Variants in MMP16 observed in about 807,000 individuals in gnomAD.
MMP16 encodes the protein matrix metalloproteinase-16.
Under a neutral mutation model 67.8 loss-of-function variants are expected in MMP16, and 12 were observed. That is an observed-to-expected ratio of 0.18 (90% confidence interval 0.11 to 0.29). The LOEUF (loss-of-function observed/expected upper bound fraction) is 0.29. Ranked by LOEUF, MMP16 falls within the 10% of genes least tolerant of loss-of-function variation. The pLI is 1.00. For missense variants in MMP16, 475 were observed against 765.7 expected, an observed-to-expected ratio of 0.62 and a Z score of 4.48; for synonymous variants, 249 against 255.9, an observed-to-expected ratio of 0.97 and a Z score of 0.26.
intron 8 of MMP16, among the ~76,000 whole-genome samples, chr8:88,052,253 A>G (rs151128553): frequency 6.4e-4 from 97 of 152,110 alleles, no homozygotes; most frequent in Admixed American, 3.6e-3. Flanking sequence ...CCTTCCCCCA[A>G]TATTCCTTTC....
intron 1 of MMP16, among the ~76,000 whole-genome samples, chr8:88,292,191 T>C (rs1394568286): frequency 6.6e-6 from 1 of 152,234 alleles, no homozygotes; most frequent in Non-Finnish European, 1.5e-5. Flanking sequence ...AATACAAAAT[T>C]ATATTTTAAA....
chr8:88,187,853 T>C (rs1809098968), intron 2 of MMP16, among the ~76,000 whole-genome samples: 1 of 152,222 alleles, frequency 6.6e-6, no homozygotes, highest in African/African-American at 2.4e-5. Flanking sequence ...AATTCCATCC[T>C]AGTTTAAATG....
chr8:88,270,990 A>ATTTGTGCCTGGC (rs2129971960), intron 1 of MMP16, among the ~76,000 whole-genome samples: 1 of 152,334 alleles, frequency 6.6e-6, no homozygotes, highest in Non-Finnish European at 1.5e-5. Flanking sequence ...CAGACCTGGC[A>ATTTGTGCCTGGC]TAGTGCCTGG....
At chr8:88,220,973 G>T (rs377064934) in intron 1 of MMP16, among the ~76,000 whole-genome samples, 29 of 152,160 alleles carry the variant, frequency 1.9e-4, no homozygotes, top group Admixed American at 1.6e-3. Flanking sequence ...AGTTAAATTC[G>T]CAAGAATGCA....
chr8:88,255,300 T>G lies in MMP16; in HGVS notation c.133-57994A>C, dbSNP rs186923154. ...ACCATGTAATACACCAGATCCCCCT[T>G]CACCTTTCGCCATGATTGTAAGCTT... is the stretch of plus-strand genomic sequence containing the variant. On this transcript the variant is annotated intron_variant, in intron 1 of 9. Coordinates refer to ENST00000286614, the MANE Select transcript of MMP16 (RefSeq NM_005941.5). Among the ~76,000 whole-genome samples, 13 of 152,230 alleles carry G rather than the reference T, an allele frequency of 8.5e-5. 2 individuals are homozygous for G. Among genetic ancestry groups the G allele is most frequent in the African/African-American group, 3.1e-4 (13 of 41,550 alleles).
intron 1 of MMP16, among the ~76,000 whole-genome samples, chr8:88,247,919 T>G (rs1810145484): frequency 6.6e-6 from 1 of 152,018 alleles, no homozygotes; most frequent in Non-Finnish European, 1.5e-5. Flanking sequence ...CAAACGTTGT[T>G]GCACATTGAC....
chr8:88,259,004 G>C (rs373102960), intron 1 of MMP16, among the ~76,000 whole-genome samples: 18 of 152,284 alleles, frequency 1.2e-4, no homozygotes, highest in African/African-American at 4.3e-4. Flanking sequence ...AAGGAAGCAT[G>C]CCTCCTGCCT....
chr8:88,064,468 TA>T (rs1808438848), intron 7 of MMP16, among the ~76,000 whole-genome samples: 1 of 152,086 alleles, frequency 6.6e-6, no homozygotes, highest in Non-Finnish European at 1.5e-5. Context: ...GCTCTACCAA[TA>T]ACCAGCTGTA....
chr8:88,133,669 CA>C (rs959175022), intron 4 of MMP16, among the ~76,000 whole-genome samples: 158 of 150,834 alleles, frequency 1.0e-3, no homozygotes, highest in African/African-American at 3.3e-3. Flanking sequence ...CATTTTTTGA[CA>C]AAAAAAATTA....
intron 1 of MMP16, among the ~76,000 whole-genome samples, chr8:88,260,350 T>C (rs554733376): frequency 6.6e-6 from 1 of 152,200 alleles, no homozygotes; most frequent in South Asian, 2.1e-4. Context: ...AATTAAAACA[T>C]AAGGCAAAAA....
Position 88,107,589 on chromosome 8 carries a change from G to A in MMP16, c.1083+8918C>T, listed in dbSNP as rs571006317. On this transcript the variant is annotated intron_variant, in intron 6 of 9. Transcript: ENST00000286614. ...ACAAAGAGTCAAAATTTTTATTAGAGTGAATCTTTTAATCAAGAATAGGAT... is the reference window on the plus strand; with the variant it reads ...ACAAAGAGTCAAAATTTTTATTAGAATGAATCTTTTAATCAAGAATAGGAT... Among the ~76,000 whole-genome samples the A allele has an allele frequency of 9.1e-4, 138 of 151,170 alleles. 1 individual carries two copies. Among genetic ancestry groups the A allele is most frequent in the African/African-American group, 3.3e-3 (137 of 41,438 alleles).
chr8:88,104,419 T>G (rs1414990389), intron 6 of MMP16, among the ~76,000 whole-genome samples: 1 of 151,636 alleles, frequency 6.6e-6, no homozygotes, highest in Non-Finnish European at 1.5e-5. Context: ...CTTCAGTTAA[T>G]GATGTACCAC....
intron 1 of MMP16, among the ~76,000 whole-genome samples, chr8:88,272,879 T>C (rs1585992060): frequency 6.6e-6 from 1 of 152,130 alleles, no homozygotes; most frequent in East Asian, 1.9e-4. Context: ...GACCTCAACA[T>C]TTCTTCCCCA....
intron 1 of MMP16, among the ~76,000 whole-genome samples, chr8:88,248,396 G>A (rs751687388): frequency 6.6e-6 from 1 of 152,054 alleles, no homozygotes; most frequent in Non-Finnish European, 1.5e-5. Context: ...GTGAATTTGT[G>A]AGCCAACAAT....
chr8:88,129,480 A>G (rs1178830936), intron 4 of MMP16, among the ~76,000 whole-genome samples: 1 of 151,668 alleles, frequency 6.6e-6, no homozygotes, highest in East Asian at 1.9e-4. Flanking sequence ...TATAGTAAAG[A>G]AGTGTGATAA....
intron 1 of MMP16, among the ~76,000 whole-genome samples, chr8:88,261,792 C>CACACACACACA (rs1321855639): frequency 1.1e-4 from 16 of 151,520 alleles, no homozygotes; most frequent in Non-Finnish European, 4.4e-5. Context: ...CACACACACA[C>CACACACACACA]AACCATATAA....
chr8:88,072,708 T>C (rs538233601), intron 7 of MMP16, among the ~76,000 whole-genome samples: 2 of 152,288 alleles, frequency 1.3e-5, no homozygotes, highest in South Asian at 2.1e-4. Context: ...GCACCTACTA[T>C]GCACCCAACA....
intron 1 of MMP16, among the ~76,000 whole-genome samples, chr8:88,239,031 T>C (rs111561684): frequency 3.6e-4 from 55 of 152,192 alleles, no homozygotes; most frequent in African/African-American, 1.3e-3. Context: ...TCCTCCTTCC[T>C]TGCAAGACCC....
intron 4 of MMP16, among the ~76,000 whole-genome samples, chr8:88,159,722 G>A (rs183971875): frequency 3.9e-5 from 6 of 152,174 alleles, no homozygotes; most frequent in Non-Finnish European, 7.4e-5. Flanking sequence ...TTTTCAAAGG[G>A]AATTCTTCTA....
Sources: gnomAD v4.1 joint callset for allele counts (sites outside exome capture counted in the v4.1 genomes callset) on GRCh38, gnomAD v4.1.1 for gene constraint, MANE v1.5 for transcripts, NCBI Gene and HGNC (gene_info 2026-07-23, HGNC 2026-07-21) for gene names.